ZNF276: variants seen among roughly 807,000 people sequenced by gnomAD.
ZNF276 encodes zinc finger protein 276, also known as centromere protein Z.
In ZNF276, 59 loss-of-function variants were observed where a neutral mutation model predicts 63.9. The observed-to-expected ratio is 0.92, with a 90% CI of 0.75 to 1.15. ZNF276 has a LOEUF of 1.15. Ranked by LOEUF, ZNF276 falls within the 50% of genes most tolerant of loss-of-function variation. The pLI is 0.00. For synonymous variants in ZNF276, 496 were observed against 348.4 expected (o/e 1.42, Z -4.72); for missense variants, 1,084 against 843.8 (o/e 1.28, Z -3.53).
chr16:89,722,757 C>T lies in ZNF276; in HGVS notation c.432C>T (p.Tyr144=), dbSNP rs2061337605. The change falls in exon 2 of 11, where the codon TAC becomes TAT. Residue 144 remains tyrosine, a synonymous_variant. Coordinates refer to ENST00000443381, the MANE Select transcript of ZNF276 (RefSeq NM_001113525.2). The part of the protein sequence containing the change: ...FVCKSCHAQF[Y]QCHSLLKSFL... ...GCAAGAGCTGCCACGCCCAGTTCTA[C>T]CAGTGCCACAGCCTTCTCAAGTCCT... The T allele has an allele frequency of 3.7e-6, 6 of 1,611,162 alleles. No individual in the cohort carries two copies. The highest frequency in any genetic ancestry group is 3.4e-6 in the Non-Finnish European group (4 of 1,180,024).
rs2062083251 is a variant in ZNF276, at chr16:89,739,869, A to G, written c.*1623A>G. ...ACAAGTTTGTGCTTAATCTGTCCCA[A>G]CTAAAATGGAGCTTATAAACTTACT... is the stretch of plus-strand genomic sequence containing the variant. On this transcript the variant is annotated 3_prime_UTR_variant, in exon 11 of 11. Transcript: ENST00000443381. 1 of 1,545,772 alleles carries G rather than the reference A, an allele frequency of 6.5e-7. No individual in the cohort carries two copies. Among genetic ancestry groups the G allele is most frequent in the Non-Finnish European group, 8.7e-7 (1 of 1,148,486 alleles).
In ZNF276 at chr16:89,740,660, G is replaced by T. The variant is rs1382996836; in HGVS notation, c.*2414G>T. 14 of 630,960 alleles carry T rather than the reference G, an allele frequency of 2.2e-5. No individual in the cohort carries two copies. The highest frequency in any genetic ancestry group is 4.0e-5 in the Non-Finnish European group (14 of 351,516). The allele number at this position is 630,960 out of a possible 1,614,324, so 39.1% of individuals were successfully genotyped here. A position where few individuals can be genotyped will look rare whatever the true frequency, so the allele number is the denominator to read the frequency against. On this transcript the variant is annotated 3_prime_UTR_variant, in exon 11 of 11. Coordinates refer to ENST00000443381, the MANE Select transcript of ZNF276 (RefSeq NM_001113525.2). ...TCAAAAAAAAAAAAAAAAAACCCACGGCCTGGGAGTTCTCACTCACACTTC... is the reference window on the plus strand; with the variant it reads ...TCAAAAAAAAAAAAAAAAAACCCACTGCCTGGGAGTTCTCACTCACACTTC...
upstream of ZNF276, chr16:89,720,484 T>A: frequency 9.0e-7 from 1 of 1,112,668 alleles, no homozygotes. Flanking sequence ...TGGCGGACCC[T>A]CCTGCTACAT....
intron 4 of ZNF276, among the ~76,000 whole-genome samples, chr16:89,725,529 C>T (rs1416786587): frequency 6.8e-6 from 1 of 146,512 alleles, no homozygotes; most frequent in African/African-American, 2.5e-5. Context: ...CAGTGGTTCA[C>T]GCCTGTAATC....
Position 89,737,723 on chromosome 16 carries a change from GTGA to G in ZNF276, c.1475-80_1475-78del, listed in dbSNP as rs977738534. 27 of 1,601,104 alleles carry G rather than the reference GTGA, an allele frequency of 1.7e-5. No homozygotes were observed. In the African/African-American group the frequency reaches 3.5e-4, roughly 21 times the overall value. ...CATGTGCAGAAATGTCTTCCCAGCTGTGATGGTTTCACATTGTCATCGTCGTCC... is the reference window on the plus strand; with the variant it reads ...CATGTGCAGAAATGTCTTCCCAGCTGTGGTTTCACATTGTCATCGTCGTCC... On this transcript the variant is annotated intron_variant, in intron 9 of 10. Coordinates refer to ENST00000443381, the MANE Select transcript of ZNF276 (RefSeq NM_001113525.2).
At position 89,739,512 on chromosome 16, in the gene ZNF276, G is replaced by C. The variant is rs764620351; in HGVS notation, c.*1266G>C. The C allele has an allele frequency of 3.2e-6, 5 of 1,551,292 alleles. No individual in the cohort carries two copies. In the African/African-American group the frequency reaches 5.5e-5, roughly 17 times the overall value. ...GCGAAAGGCAGCAGCCTGGTGTGCTGATCCGGGGCCACACGGAGGAGGAGC... is the reference window on the plus strand; with the variant it reads ...GCGAAAGGCAGCAGCCTGGTGTGCTCATCCGGGGCCACACGGAGGAGGAGC... On this transcript the variant is annotated 3_prime_UTR_variant, in exon 11 of 11. Transcript: ENST00000443381.
rs939114184 is a variant in ZNF276, at chr16:89,737,794, C to G, written c.1475-12C>G. On this transcript the variant is annotated splice_polypyrimidine_tract_variant and intron_variant, in intron 9 of 10. Coordinates refer to ENST00000443381, the MANE Select transcript of ZNF276 (RefSeq NM_001113525.2). Reference sequence around the variant, plus strand: ...ATCAGGGGCCTGGACTCACTGGACTCTCCCCTCTCAGAGGTGCGGAACTAT... The same window carrying G: ...ATCAGGGGCCTGGACTCACTGGACTGTCCCCTCTCAGAGGTGCGGAACTAT... 1 of 1,614,168 alleles carries G rather than the reference C, an allele frequency of 6.2e-7. No individual in the cohort carries two copies. The highest frequency in any genetic ancestry group is 1.3e-5 in the African/African-American group (1 of 75,058).
intron 9 of ZNF276, among the ~76,000 whole-genome samples, chr16:89,736,563 T>G (rs1466239419): frequency 3.8e-5 from 2 of 52,288 alleles, no homozygotes; most frequent in Admixed American, 2.4e-4. Context: ...ACTGACTTCA[T>G]GATCCGCCTG....
At chr16:89,720,861 T>C, upstream of ZNF276, 18 of 1,391,874 alleles carry the variant, frequency 1.3e-5, no homozygotes, top group Non-Finnish European at 1.6e-5. Context: ...GCAGCGGCCA[T>C]GGCGCCGAGC....
At chr16:89,731,705 T>C (rs553998263) in intron 6 of ZNF276, 332 of 152,364 alleles carry the variant, frequency 2.2e-3, no homozygotes, top group Admixed American at 3.2e-3. Context: ...ACTGCCAACA[T>C]GAGCCACTGG....
At position 89,738,577 on chromosome 16, in the gene ZNF276, GC is replaced by G. The variant is rs776321328; in HGVS notation, c.*332del. The G allele has an allele frequency of 2.0e-5, 33 of 1,613,048 alleles. No homozygotes were observed. Among genetic ancestry groups the G allele is most frequent in the Non-Finnish European group, 2.3e-5 (27 of 1,180,012 alleles). On this transcript the variant is annotated 3_prime_UTR_variant, in exon 11 of 11. Transcript: ENST00000443381. ...AATAAATTATTTACACGGGAGCTGGGCTGGTGTGCAGTGGCAGGTCCCGTCA... is the reference window on the plus strand; with the variant it reads ...AATAAATTATTTACACGGGAGCTGGGTGGTGTGCAGTGGCAGGTCCCGTCA...
Position 89,723,241 on chromosome 16 carries a change from C to A in ZNF276, c.557-19C>A. ...TGCCGACCAGCCGTGGATCTGACATCTCTGTTGACTCTCTGCAGTGGATCT... is the reference window on the plus strand; with the variant it reads ...TGCCGACCAGCCGTGGATCTGACATATCTGTTGACTCTCTGCAGTGGATCT... On this transcript the variant is annotated intron_variant, in intron 3 of 10. Coordinates refer to ENST00000443381, the MANE Select transcript of ZNF276 (RefSeq NM_001113525.2). 1 of 1,613,260 alleles carries A rather than the reference C, an allele frequency of 6.2e-7. No individual in the cohort carries two copies. The highest frequency in any genetic ancestry group is 8.5e-7 in the Non-Finnish European group (1 of 1,180,020).
In ZNF276 at chr16:89,739,183, T is replaced by TA. The variant is rs1567592815; in HGVS notation, c.*938dup. 6.2e-7 allele frequency: 1 copy of TA among 1,614,146 alleles called. No homozygotes were observed. Among genetic ancestry groups the TA allele is most frequent in the East Asian group, 2.2e-5 (1 of 44,886 alleles). ...CCAGCTGGAGGTGAAACTGTGCTTG[T>TA]ATCCCCAGCCACGAAGAGCTGGACC... On this transcript the variant is annotated 3_prime_UTR_variant, in exon 11 of 11. Coordinates refer to ENST00000443381, the MANE Select transcript of ZNF276 (RefSeq NM_001113525.2).
intron 5 of ZNF276, among the ~76,000 whole-genome samples, chr16:89,728,174 C>G (rs1025834692): frequency 1.3e-5 from 2 of 149,348 alleles, no homozygotes; most frequent in African/African-American, 5.0e-5. Flanking sequence ...AAAACCGCAG[C>G]TGAGGTTATA....
chr16:89,723,973 G>A (rs527457979), intron 4 of ZNF276, among the ~76,000 whole-genome samples: 1 of 152,364 alleles, frequency 6.6e-6, no homozygotes, highest in South Asian at 2.1e-4. Flanking sequence ...ATCAGCCGTC[G>A]AGTCTTTTTC....
intron 9 of ZNF276, 54 bp from the exon 10 acceptor site, chr16:89,737,752 C>G: frequency 1.2e-6 from 2 of 1,610,320 alleles, no homozygotes; most frequent in Non-Finnish European, 8.5e-7. Flanking sequence ...ATCGTCGTCC[C>G]CCCGGGAGGT....
chr16:89,731,923 T>C (rs1227839215), intron 6 of ZNF276: 2 of 152,252 alleles, frequency 1.3e-5, no homozygotes, highest in Non-Finnish European at 2.9e-5. Flanking sequence ...GTCTTTGTTT[T>C]CTTTTTCTTG....
At position 89,729,358 on chromosome 16, in the gene ZNF276, G is replaced by A. The variant is rs778929020; in HGVS notation, c.1169+40G>A. 4 of 1,588,516 alleles carry A rather than the reference G, an allele frequency of 2.5e-6. No individual in the cohort carries two copies. The South Asian group carries it at 4.4e-5, about 18-fold the overall frequency. ...CGGGGTCTGCTGGAGGCATCCGTTG[G>A]GCGACCTAGACACCCGCCTGTGCTC... On this transcript the variant is annotated intron_variant, in intron 6 of 10. Coordinates refer to ENST00000443381, the MANE Select transcript of ZNF276 (RefSeq NM_001113525.2).
intron 9 of ZNF276, among the ~76,000 whole-genome samples, chr16:89,736,649 C>A (rs1176020324): frequency 6.6e-6 from 1 of 151,558 alleles, no homozygotes; most frequent in Non-Finnish European, 1.5e-5. Flanking sequence ...TTTTAAATTA[C>A]CTGGGTGTGG....
Sources: allele counts gnomAD v4.1 joint callset (sites outside exome capture counted in the v4.1 genomes callset), GRCh38; gene constraint gnomAD v4.1.1; transcripts MANE v1.5; gene names NCBI Gene and HGNC (gene_info 2026-07-23, HGNC 2026-07-21).